The following FAM169A variants were observed in gnomAD, a reference collection of about 807,000 sequenced individuals.
FAM169A encodes the protein soluble lamin-associated protein of 75 kDa.
In FAM169A, 24 loss-of-function variants were observed where a neutral mutation model predicts 75.7. The observed-to-expected ratio is 0.32, with a 90% confidence interval of 0.23 to 0.45. FAM169A has a LOEUF of 0.45. Among genes scored for constraint, FAM169A ranks in the 20% least tolerant of loss-of-function variants. FAM169A has a pLI of 1.00. For missense variants in FAM169A, 673 were observed against 784.0 expected, an observed-to-expected ratio of 0.86 and a Z score of 1.69; for synonymous variants, 271 against 271.0, an observed-to-expected ratio of 1.00 and a Z score of 0.00.
At chr5:74,862,851 C>T (rs1305185519) in intron 1 of FAM169A, among the ~76,000 whole-genome samples, 4 of 152,112 alleles carry the variant, frequency 2.6e-5, no homozygotes, top group Non-Finnish European at 5.9e-5. Context: ...GAATTGTTAA[C>T]ATTGTAATCC....
At position 74,782,989 on chromosome 5, in the gene FAM169A, T is replaced by C; in HGVS notation, c.1406A>G (p.Asn469Ser). 1 of 1,614,044 alleles carries C rather than the reference T, an allele frequency of 6.2e-7. No individual in the cohort carries two copies. ...AGATTCTACCACCAGTGGAACAAGA[T>C]TTGTAGAGTCTTCACTGGAATTAAA... ...QPFNSSEDST[N>S]LVPLVVESSK... Residue 469 changes from asparagine (N) to serine (S), a missense_variant, in exon 12 of 13, where the codon AAT becomes AGT. By Grantham distance (46) the Asn-to-Ser change is conservative. Coordinates refer to ENST00000687041, the MANE Select transcript of FAM169A (RefSeq NM_001376049.1).
chr5:74,829,499 A>G (rs544810938), intron 5 of FAM169A, among the ~76,000 whole-genome samples: 3 of 152,302 alleles, frequency 2.0e-5, no homozygotes, highest in African/African-American at 7.2e-5. Flanking sequence ...ACACAGGTAC[A>G]AAGAAAAGTA....
chr5:74,851,083 G>GT (rs1310525701), intron 1 of FAM169A, among the ~76,000 whole-genome samples: 1 of 152,128 alleles, frequency 6.6e-6, no homozygotes, highest in Non-Finnish European at 1.5e-5. Context: ...ACCCAGCTAA[G>GT]TTTTTTAAAA....
At chr5:74,842,707 G>T (rs1158303843) in intron 1 of FAM169A, among the ~76,000 whole-genome samples, 1 of 151,712 alleles carries the variant, frequency 6.6e-6, no homozygotes, top group East Asian at 1.9e-4. Flanking sequence ...CTATCTTGCT[G>T]GGTTTTTTGT....
Position 74,839,386 on chromosome 5 carries a change from T to C in FAM169A, c.233-336A>G, listed in dbSNP as rs547891899. Reference sequence around the variant, plus strand: ...ATCTGATGGTTTCATAATGTTTGACTGTTCCTCCTTCACACACGTGCGCAC... The same window carrying C: ...ATCTGATGGTTTCATAATGTTTGACCGTTCCTCCTTCACACACGTGCGCAC... On this transcript the variant is annotated intron_variant, in intron 3 of 12. Transcript: ENST00000687041. Among the ~76,000 whole-genome samples, 123 of 152,196 alleles carry C rather than the reference T, an allele frequency of 8.1e-4. No individual in the cohort carries two copies. In the Middle Eastern group the frequency reaches 0.01, roughly 13 times the overall value.
chr5:74,861,160 G>A (rs1295631073), intron 1 of FAM169A, among the ~76,000 whole-genome samples: 1 of 152,046 alleles, frequency 6.6e-6, no homozygotes, highest in African/African-American at 2.4e-5. Flanking sequence ...TCTAATAAAT[G>A]GATTTGTTCC....
At chr5:74,823,794 T>A (rs1334938848) in intron 5 of FAM169A, among the ~76,000 whole-genome samples, 1 of 152,162 alleles carries the variant, frequency 6.6e-6, no homozygotes. Flanking sequence ...AAGACAAGAA[T>A]CACACCTAGA....
chr5:74,841,421 G>C lies in FAM169A; in HGVS notation c.132+124C>G, dbSNP rs1018573019. The C allele has an allele frequency of 1.3e-5, 9 of 716,742 alleles. No individual in the cohort carries two copies. The East Asian group carries it at 1.8e-4, about 14-fold the overall frequency. The allele number at this position is 716,742 out of a possible 1,614,324, so 44.4% of individuals were successfully genotyped here. On this transcript the variant is annotated intron_variant, in intron 2 of 12. Coordinates refer to ENST00000687041, the MANE Select transcript of FAM169A (RefSeq NM_001376049.1). ...CAATATTTATCCATTTTACTGAATA[G>C]ATTTCTGTAAAGATTTCAAAAATTA...
At chr5:74,849,751 T>C (rs1400093827) in intron 1 of FAM169A, among the ~76,000 whole-genome samples, 1 of 152,148 alleles carries the variant, frequency 6.6e-6, no homozygotes, top group East Asian at 1.9e-4. Context: ...TTTTCTTCCA[T>C]CACTCCTGCC....
At chr5:74,833,682 G>C (rs1221915939) in intron 5 of FAM169A, among the ~76,000 whole-genome samples, 2 of 152,196 alleles carry the variant, frequency 1.3e-5, no homozygotes, top group Non-Finnish European at 2.9e-5. Context: ...GAAACTAAGT[G>C]TATTCTCTGT....
chr5:74,828,268 T>A (rs1260568700), intron 5 of FAM169A, among the ~76,000 whole-genome samples: 10 of 152,158 alleles, frequency 6.6e-5, no homozygotes, highest in Admixed American at 3.9e-4. Flanking sequence ...CCACCTGACT[T>A]ACAAAAGAAT....
chr5:74,864,983 C>T (rs1379469168), intron 1 of FAM169A, among the ~76,000 whole-genome samples: 2 of 152,182 alleles, frequency 1.3e-5, no homozygotes, highest in Non-Finnish European at 2.9e-5. Context: ...ATCATCTGTA[C>T]ATCCTGTGTA....
chr5:74,849,914 A>G (rs1267810137), intron 1 of FAM169A, among the ~76,000 whole-genome samples: 1 of 152,190 alleles, frequency 6.6e-6, no homozygotes, highest in African/African-American at 2.4e-5. Flanking sequence ...GTTTTCTGGG[A>G]AAGTAAAAAC....
chr5:74,817,763 C>G (rs1384096503), intron 5 of FAM169A, among the ~76,000 whole-genome samples: 1 of 152,114 alleles, frequency 6.6e-6, no homozygotes, highest in Non-Finnish European at 1.5e-5. Flanking sequence ...CAACTTACTA[C>G]AAAGCTAGAG....
chr5:74,791,285 C>T (rs1745961689), intron 11 of FAM169A, among the ~76,000 whole-genome samples: 1 of 152,150 alleles, frequency 6.6e-6, no homozygotes, highest in Admixed American at 6.5e-5. Flanking sequence ...CTGTTTCTCC[C>T]ATAGCCAGGA....
chr5:74,857,572 GAAAAAAAAAAAA>G (rs35476827), intron 1 of FAM169A, among the ~76,000 whole-genome samples: 40 of 56,312 alleles, frequency 7.1e-4, no homozygotes, highest in Middle Eastern at 0.019. Context: ...CTTGCCGCGG[GAAAAAAAAAAAA>G]AAAAAAAAAA....
intron 1 of FAM169A, among the ~76,000 whole-genome samples, chr5:74,844,739 C>A (rs1207374263): frequency 6.6e-6 from 1 of 152,160 alleles, no homozygotes; most frequent in Non-Finnish European, 1.5e-5. Flanking sequence ...ATTGCTTGAA[C>A]CCGGGAGGTG....
intron 6 of FAM169A, 73 bp downstream of exon 6, chr5:74,813,767 T>C (rs924206856): frequency 8.4e-7 from 1 of 1,184,510 alleles, no homozygotes; most frequent in South Asian, 1.9e-5. Context: ...TATACACATT[T>C]ACCGTATTTT....
At chr5:74,821,981 G>C (rs1350754380) in intron 5 of FAM169A, among the ~76,000 whole-genome samples, 2 of 152,142 alleles carry the variant, frequency 1.3e-5, no homozygotes, top group African/African-American at 4.8e-5. Flanking sequence ...AGCTGCTGGG[G>C]TCTCTTCACC....
Sources: allele counts gnomAD v4.1 joint callset (sites outside exome capture counted in the v4.1 genomes callset), GRCh38; gene constraint gnomAD v4.1.1; transcripts MANE v1.5; gene names NCBI Gene and HGNC (gene_info 2026-07-23, HGNC 2026-07-21).